Variants in MYRFL observed in about 807,000 individuals in gnomAD.
MYRFL encodes the protein myelin regulatory factor-like protein.
Under a neutral mutation model 109.4 loss-of-function variants are expected in MYRFL, and 88 were observed. That is an observed-to-expected ratio of 0.80 (90% CI 0.68 to 0.96). MYRFL has a LOEUF of 0.96. Ranked by LOEUF, MYRFL falls within the 40% of genes least tolerant of loss-of-function variation. The probability of loss-of-function intolerance (pLI) is 0.00; values close to 1 mark genes in which losing one functional copy is unlikely to be tolerated. For synonymous variants in MYRFL, 324 were observed against 320.9 expected (o/e 1.01, Z -0.10); for missense variants, 957 against 954.9 (o/e 1.00, Z -0.03).
At chr12:69,925,442 G>A (rs553372193) in intron 13 of MYRFL, among the ~76,000 whole-genome samples, 4 of 152,314 alleles carry the variant, frequency 2.6e-5, no homozygotes, top group Admixed American at 1.3e-4. Flanking sequence ...GAATCTCAAA[G>A]GCACATAGCC....
At chr12:69,844,230 C>G (rs1018282446) in intron 1 of MYRFL, among the ~76,000 whole-genome samples, 2 of 152,238 alleles carry the variant, frequency 1.3e-5, no homozygotes, top group Non-Finnish European at 2.9e-5. Context: ...TTCATTAAGG[C>G]GTTTGGGCAA....
chr12:69,876,628 C>T (rs139038831), intron 2 of MYRFL, among the ~76,000 whole-genome samples: 1 of 152,310 alleles, frequency 6.6e-6, no homozygotes, highest in African/African-American at 2.4e-5. Flanking sequence ...CCATTGTTCT[C>T]ATCCAAGGAT....
chr12:69,937,601 T>TA (rs1203004389), intron 19 of MYRFL, among the ~76,000 whole-genome samples: 1 of 152,232 alleles, frequency 6.6e-6, no homozygotes, highest in Non-Finnish European at 1.5e-5. Flanking sequence ...CACCTATGTA[T>TA]AACACATATC....
intron 1 of MYRFL, among the ~76,000 whole-genome samples, chr12:69,841,719 G>T (rs531470815): frequency 6.6e-6 from 1 of 152,240 alleles, no homozygotes; most frequent in East Asian, 1.9e-4. Flanking sequence ...TTTTGCTCCT[G>T]TTGAGTCATT....
intron 13 of MYRFL, among the ~76,000 whole-genome samples, chr12:69,916,298 G>A (rs543606178): frequency 1.6e-4 from 24 of 152,100 alleles, no homozygotes; most frequent in Non-Finnish European, 3.4e-4. Context: ...TCAGAGGAAG[G>A]AGAGAAGAAA....
chr12:69,855,504 T>A (rs910553511), intron 2 of MYRFL, 134 bp downstream of exon 2: 3 of 555,692 alleles, frequency 5.4e-6, no homozygotes, highest in Non-Finnish European at 9.6e-6. Context: ...TGTCTATGGA[T>A]CTTTGACAAA....
chr12:69,885,981 C>G (rs1565996942), intron 5 of MYRFL, among the ~76,000 whole-genome samples: 1 of 151,948 alleles, frequency 6.6e-6, no homozygotes, highest in Non-Finnish European at 1.5e-5. Flanking sequence ...AATAACTGGT[C>G]TAAGTTCAAA....
intron 2 of MYRFL, among the ~76,000 whole-genome samples, chr12:69,875,957 A>G (rs1260609585): frequency 6.6e-6 from 1 of 152,202 alleles, no homozygotes; most frequent in Non-Finnish European, 1.5e-5. Flanking sequence ...CTTAGACTCA[A>G]ATTGTAAACT....
intron 1 of MYRFL, among the ~76,000 whole-genome samples, chr12:69,842,902 G>A (rs1883326051): frequency 6.6e-6 from 1 of 152,156 alleles, no homozygotes; most frequent in African/African-American, 2.4e-5. Context: ...TGATTTTCTT[G>A]TCCCTCTCAC....
At chr12:69,844,344 G>T (rs1164127104) in intron 1 of MYRFL, among the ~76,000 whole-genome samples, 5 of 152,170 alleles carry the variant, frequency 3.3e-5, no homozygotes, top group African/African-American at 9.7e-5. Context: ...CAGGAGTCAG[G>T]TCTTAGAATC....
At chr12:69,831,632 G>C (rs1296864449) in intron 1 of MYRFL, among the ~76,000 whole-genome samples, 5 of 152,280 alleles carry the variant, frequency 3.3e-5, no homozygotes, top group Middle Eastern at 3.4e-3. Flanking sequence ...GAAGCACTAT[G>C]CCTGGCACAG....
chr12:69,845,766 T>C (rs1883489595), intron 1 of MYRFL, among the ~76,000 whole-genome samples: 1 of 147,902 alleles, frequency 6.8e-6, no homozygotes, highest in South Asian at 2.2e-4. Context: ...AGAAAAACTT[T>C]ATGACTTTCC....
At chr12:69,940,365 A>C (rs572247756) in intron 19 of MYRFL, among the ~76,000 whole-genome samples, 13,762 of 149,420 alleles carry the variant, frequency 0.092, 907 homozygotes, top group Middle Eastern at 0.17. Context: ...CGGCAGAAAC[A>C]CTACAAGCCA....
chr12:69,883,354 A>G (rs1886246638), intron 5 of MYRFL, among the ~76,000 whole-genome samples: 1 of 152,226 alleles, frequency 6.6e-6, no homozygotes, highest in Non-Finnish European at 1.5e-5. Flanking sequence ...ACTAGCAGGA[A>G]TGTGTACATA....
At chr12:69,837,141 T>G (rs1477267068) in intron 1 of MYRFL, among the ~76,000 whole-genome samples, 1 of 152,102 alleles carries the variant, frequency 6.6e-6, no homozygotes, top group East Asian at 1.9e-4. Context: ...AGTCCAACAC[T>G]TTTTTCATCT....
intron 7 of MYRFL, among the ~76,000 whole-genome samples, chr12:69,891,605 C>CTTTCTTTCTTTCTTTCTCTT (rs1555249258): frequency 1.9e-5 from 1 of 53,126 alleles, no homozygotes; most frequent in Non-Finnish European, 4.7e-5. Flanking sequence ...TTCTTTCTTT[C>CTTTCTTTCTTTCTTTCTCTT]TCTTTCTTTC....
At chr12:69,943,215 G>T (rs539559364) in intron 19 of MYRFL, among the ~76,000 whole-genome samples, 7 of 151,492 alleles carry the variant, frequency 4.6e-5, no homozygotes, top group African/African-American at 1.7e-4. Context: ...AAAACAGCCC[G>T]CATCGCCAAG....
intron 5 of MYRFL, among the ~76,000 whole-genome samples, chr12:69,886,183 T>G (rs1202439228): frequency 2.0e-5 from 3 of 152,188 alleles, no homozygotes; most frequent in African/African-American, 7.2e-5. Context: ...TATTGGCTCC[T>G]GTTAACGCGA....
intron 15 of MYRFL, among the ~76,000 whole-genome samples, chr12:69,929,798 C>G (rs1264517449): frequency 1.3e-5 from 2 of 151,992 alleles, no homozygotes; most frequent in African/African-American, 4.8e-5. Context: ...ACTTAGCCTT[C>G]CCCGTGTCTC....
Sources: gnomAD v4.1 joint callset for allele counts (sites outside exome capture counted in the v4.1 genomes callset) on GRCh38, gnomAD v4.1.1 for gene constraint, MANE v1.5 for transcripts, NCBI Gene and HGNC (gene_info 2026-07-23, HGNC 2026-07-21) for gene names.